Variants in MARK4 observed in about 807,000 individuals in gnomAD.
MARK4 encodes MAP/microtubule affinity-regulating kinase 4.
Under a neutral mutation model 81.5 loss-of-function variants are expected in MARK4, and 19 were observed. The observed-to-expected ratio is 0.23, with a 90% CI of 0.16 to 0.34. The LOEUF (loss-of-function observed/expected upper bound fraction) is 0.34, where lower values mean the gene tolerates loss of function less well. MARK4 is among the 10% of genes least tolerant of loss of function. The pLI is 1.00. For missense variants in MARK4, 772 were observed against 1,058.8 expected (o/e 0.73, Z 3.76); for synonymous variants, 436 against 439.0 (o/e 0.99, Z 0.08).
Position 45,259,376 on chromosome 19 carries a change from A to G in MARK4, c.252+187A>G, listed in dbSNP as rs556178945. 2.2e-3 allele frequency among the ~76,000 whole-genome samples: 340 copies of G among 152,296 alleles called. 2 individuals carry two copies. Among genetic ancestry groups the G allele is most frequent in the Non-Finnish European group, 3.5e-3 (241 of 68,034 alleles). On this transcript the variant is annotated intron_variant, in intron 2 of 16. Transcript: ENST00000262891. Reference sequence around the variant, plus strand: ...ACCACCCCCATGGGAAAAGAGAACTAATTTCATGTATCCCTGAAATTGCCG... The same window carrying G: ...ACCACCCCCATGGGAAAAGAGAACTGATTTCATGTATCCCTGAAATTGCCG...
chr19:45,302,379 A>G lies in MARK4; in HGVS notation c.1928A>G (p.His643Arg), dbSNP rs772561382. 3.7e-6 allele frequency: 6 copies of G among 1,613,936 alleles called. No homozygotes were observed. The highest frequency in any genetic ancestry group is 1.3e-5 in the African/African-American group (1 of 74,898). ...RIGGPEVTSCHLPWDQTETAP... is the reference protein window; with the variant it reads ...RIGGPEVTSCRLPWDQTETAP... ...CTGACATCTTCTCGCCTCAGTTGCC[A>G]TCTACCTTGGGATCAAACGGAAACC... The change falls in exon 17 of 17, where the codon CAT (histidine) becomes CGT (arginine). Residue 643 changes from histidine (H) to arginine (R), a missense_variant. Physicochemically the swap from His to Arg is conservative, Grantham distance 29 (BLOSUM62 0). Coordinates refer to ENST00000262891, the MANE Select transcript of MARK4 (RefSeq NM_001199867.2). The surrounding 1 kb of genome is among the most constrained non-coding windows in gnomAD (Gnocchi z 4.9).
chr19:45,276,622 ATT>A (rs764253527), intron 8 of MARK4, among the ~76,000 whole-genome samples: 1,682 of 123,582 alleles, frequency 0.014, 27 homozygotes, highest in African/African-American at 0.048. Context: ...CATTTTACAG[ATT>A]TTTTTTTTTT....
intron 8 of MARK4, among the ~76,000 whole-genome samples, chr19:45,273,521 C>G (rs1970559125): frequency 6.6e-6 from 1 of 151,972 alleles, no homozygotes; most frequent in African/African-American, 2.4e-5. Context: ...TTTTTTTTTC[C>G]CAGTCGGGGA....
intron 12 of MARK4, among the ~76,000 whole-genome samples, chr19:45,286,159 G>A (rs1443516259): frequency 5.9e-5 from 9 of 151,944 alleles, no homozygotes; most frequent in Admixed American, 3.9e-4. Context: ...AGGTTCAAGC[G>A]ATTCTCCTGC....
At chr19:45,266,083 A>G in intron 6 of MARK4, 142 bp from the exon 7 acceptor site, 1 of 814,504 alleles carries the variant, frequency 1.2e-6, no homozygotes, top group Non-Finnish European at 2.1e-6. Context: ...TCTTGCTGTG[A>G]CTGAATCAGG....
intron 2 of MARK4, among the ~76,000 whole-genome samples, chr19:45,260,021 A>T (rs1181961305): frequency 1.3e-5 from 2 of 151,916 alleles, no homozygotes; most frequent in East Asian, 3.9e-4. Context: ...CAGGAGGCGG[A>T]GGTTTCAGTG....
At chr19:45,263,752 A>G (rs1599781125) in intron 4 of MARK4, among the ~76,000 whole-genome samples, 1 of 151,800 alleles carries the variant, frequency 6.6e-6, no homozygotes, top group African/African-American at 2.4e-5. Flanking sequence ...AAAAAAAAAA[A>G]AAAAAGAAAA....
intron 13 of MARK4, among the ~76,000 whole-genome samples, chr19:45,289,643 G>A (rs1010526876): frequency 4.6e-5 from 7 of 151,064 alleles, no homozygotes; most frequent in South Asian, 4.2e-4. Context: ...GGTGGTGCAC[G>A]CCTGTAATCC....
At chr19:45,265,663 C>T (rs1322493221) in intron 6 of MARK4, among the ~76,000 whole-genome samples, 2 of 145,444 alleles carry the variant, frequency 1.4e-5, no homozygotes, top group Admixed American at 1.4e-4. Flanking sequence ...TATGAAGGTG[C>T]CCAGGTGTGG....
At chr19:45,270,472 A>G (rs1489462288) in intron 7 of MARK4, among the ~76,000 whole-genome samples, 1 of 152,066 alleles carries the variant, frequency 6.6e-6, no homozygotes, top group Non-Finnish European at 1.5e-5. Context: ...ATCAGGCCTT[A>G]TTTTGTTTCT....
At chr19:45,285,415 G>A (rs887412704) in intron 12 of MARK4, among the ~76,000 whole-genome samples, 1 of 152,100 alleles carries the variant, frequency 6.6e-6, no homozygotes. Context: ...TGCACAAAGT[G>A]GCTGCTGAAA....
chr19:45,295,308 G>A (rs1048222194), intron 14 of MARK4, among the ~76,000 whole-genome samples: 4 of 151,852 alleles, frequency 2.6e-5, no homozygotes, highest in Admixed American at 1.3e-4. Flanking sequence ...GCAGTGAGCC[G>A]AGATCACGCC....
chr19:45,303,563 C>G lies in MARK4; in HGVS notation c.*853C>G, dbSNP rs997208579. ...GGAACTCGGCCTCATCCCCGAGGCC[C>G]CAGTTCCTATATCGGGCCCCCCATT... On this transcript the variant is annotated 3_prime_UTR_variant, in exon 17 of 17. Coordinates refer to ENST00000262891, the MANE Select transcript of MARK4 (RefSeq NM_001199867.2). 1.3e-5 allele frequency: 2 copies of G among 152,192 alleles called. No individual in the cohort carries two copies. The highest frequency in any genetic ancestry group is 4.8e-5 in the African/African-American group (2 of 41,430). 9.4% of individuals were successfully genotyped at this position (152,192 alleles called of 1,614,324 possible).
chr19:45,263,553 C>G (rs1345072664), intron 4 of MARK4, among the ~76,000 whole-genome samples, 186 bp downstream of exon 4: 2 of 151,950 alleles, frequency 1.3e-5, no homozygotes, highest in Non-Finnish European at 2.9e-5. Flanking sequence ...ACCAGTCTGA[C>G]CAACATGGTG....
intron 14 of MARK4, among the ~76,000 whole-genome samples, chr19:45,297,306 C>T (rs546625696): frequency 9.9e-5 from 15 of 152,224 alleles, no homozygotes; most frequent in African/African-American, 3.6e-4. Flanking sequence ...GTTCAGATAG[C>T]AAAGTGTTTG....
intron 10 of MARK4, among the ~76,000 whole-genome samples, chr19:45,279,421 G>A (rs1030691724): frequency 6.6e-6 from 1 of 152,166 alleles, no homozygotes; most frequent in Non-Finnish European, 1.5e-5. Flanking sequence ...GGAGGCTGAG[G>A]CACGAGAATT....
At chr19:45,273,972 G>A (rs1048667709) in intron 8 of MARK4, among the ~76,000 whole-genome samples, 11 of 152,200 alleles carry the variant, frequency 7.2e-5, no homozygotes, top group African/African-American at 2.4e-4. Flanking sequence ...CCTGTGGGCC[G>A]GGCGTGGTGG....
chr19:45,273,265 T>C (rs974173218), intron 8 of MARK4, among the ~76,000 whole-genome samples: 9 of 152,188 alleles, frequency 5.9e-5, no homozygotes, highest in Non-Finnish European at 5.9e-5. Flanking sequence ...CCACATTTGC[T>C]CTATCTGTCT....
intron 12 of MARK4, among the ~76,000 whole-genome samples, chr19:45,283,266 G>C (rs769061982): frequency 6.6e-6 from 1 of 151,588 alleles, no homozygotes; most frequent in Non-Finnish European, 1.5e-5. Flanking sequence ...AAAATTAGCC[G>C]GGCGTAGTGG....
Sources: allele counts gnomAD v4.1 joint callset (sites outside exome capture counted in the v4.1 genomes callset), GRCh38; gene constraint gnomAD v4.1.1; non-coding constraint Gnocchi (gnomAD v3.1); transcripts MANE v1.5; gene names NCBI Gene and HGNC (gene_info 2026-07-23, HGNC 2026-07-21).